The following CAMTA1 variants were observed in gnomAD, a reference collection of about 807,000 sequenced individuals.
The protein encoded by CAMTA1 is calmodulin-binding transcription activator 1.
In CAMTA1, 27 loss-of-function variants were observed where a neutral mutation model predicts 170.9. The ratio of observed to expected loss-of-function variants is 0.16; its 90% CI spans 0.12 to 0.22. The LOEUF is 0.22. Among genes scored for constraint, CAMTA1 ranks in the 10% least tolerant of loss-of-function variants. CAMTA1 has a pLI of 1.00. For synonymous variants in CAMTA1, 833 were observed against 891.5 expected, an observed-to-expected ratio of 0.93 and a Z score of 1.17; for missense variants, 1,619 against 2,217.2, an observed-to-expected ratio of 0.73 and a Z score of 5.42.
At position 7,738,593 on chromosome 1, in the gene CAMTA1, A is replaced by G. The variant is rs927047128; in HGVS notation, c.4182+111A>G. 1.3e-5 allele frequency: 16 copies of G among 1,245,032 alleles called. No individual in the cohort carries two copies. Among genetic ancestry groups the G allele is most frequent in the Non-Finnish European group, 1.6e-5 (15 of 914,486 alleles). 77.1% of individuals were successfully genotyped at this position (1,245,032 alleles called of 1,614,324 possible). A position where few individuals can be genotyped will look rare whatever the true frequency, so the allele number is the denominator to read the frequency against. The stretch of plus-strand genomic sequence containing the variant: ...CATTTTCCTCCCCGTGAAGCCTTCG[A>G]AGTTGGCTTTGTGCAGAACATCGTT... On this transcript the variant is annotated intron_variant, in intron 16 of 22. Transcript: ENST00000303635. The surrounding 1 kb of genome is among the most constrained non-coding windows in gnomAD (Gnocchi z 4.9).
intron 4 of CAMTA1, among the ~76,000 whole-genome samples, chr1:7,239,711 A>G (rs779199320): frequency 6.9e-6 from 1 of 144,192 alleles, no homozygotes; most frequent in East Asian, 2.0e-4. Flanking sequence ...TTGTGTTGCT[A>G]TAATGGAATA....
At chr1:7,309,298 T>TC (rs1676080703) in intron 5 of CAMTA1, among the ~76,000 whole-genome samples, 1 of 127,538 alleles carries the variant, frequency 7.8e-6, no homozygotes, top group African/African-American at 3.1e-5. Flanking sequence ...TTTTTTTTTT[T>TC]TTTTTTTTTT....
At position 7,028,542 on chromosome 1, in the gene CAMTA1, T is replaced by C. The variant is rs143075640; in HGVS notation, c.235-62762T>C. Among the ~76,000 whole-genome samples, 4 of 152,310 alleles carry C rather than the reference T, an allele frequency of 2.6e-5. No homozygotes were observed. The East Asian group carries it at 7.7e-4, about 29-fold the overall frequency. ...ATGTTCTCCTTCTTGCTGCCGTCCA[T>C]GAATCCGAGACCTGCTTTCATGGTT... On this transcript the variant is annotated intron_variant, in intron 3 of 22. Transcript: ENST00000303635.
At position 6,785,459 on chromosome 1, in the gene CAMTA1, C is replaced by G; in HGVS notation, c.-72C>G. On this transcript the variant is annotated 5_prime_UTR_variant, in exon 1 of 23. Transcript: ENST00000303635. The stretch of plus-strand genomic sequence containing the variant: ...GGCCAGGGCGGGTGCGCGGCGGCGG[C>G]GGGGTGGCTGGGCCGGCGGCGGCGG... The G allele has an allele frequency of 1.1e-6, 1 of 950,536 alleles. No homozygotes were observed. The highest frequency in any genetic ancestry group is 1.3e-6 in the Non-Finnish European group (1 of 788,720). 58.9% of individuals were successfully genotyped at this position (950,536 alleles called of 1,614,324 possible).
chr1:7,569,261 CCAT>C lies in CAMTA1; in HGVS notation c.511-71127_511-71125del, dbSNP rs1279294072. 4.2e-5 allele frequency among the ~76,000 whole-genome samples: 6 copies of C among 142,024 alleles called. No homozygotes were observed. In the East Asian group the frequency reaches 8.3e-4, roughly 20 times the overall value. 93.2% of individuals were successfully genotyped at this position (142,024 alleles called of 152,430 possible). ...CATCATCATCATCATCACCAAATCA[CCAT>C]CATCATCATCACATCACCATCACCA... On this transcript the variant is annotated intron_variant, in intron 6 of 22. Coordinates refer to ENST00000303635, the MANE Select transcript of CAMTA1 (RefSeq NM_015215.4).
chr1:6,942,023 G>A (rs1371859277), intron 3 of CAMTA1, among the ~76,000 whole-genome samples: 2 of 152,122 alleles, frequency 1.3e-5, no homozygotes, highest in Non-Finnish European at 2.9e-5. Flanking sequence ...CTTCACCCAC[G>A]GGCTTCATGC....
chr1:7,712,331 T>A (rs752969192), intron 11 of CAMTA1, among the ~76,000 whole-genome samples: 20 of 152,268 alleles, frequency 1.3e-4, no homozygotes, highest in Admixed American at 2.0e-4. Context: ...TTACTATTTT[T>A]TTTTTTTGAG....
chr1:7,328,796 CA>C (rs2082852753), intron 5 of CAMTA1, among the ~76,000 whole-genome samples: 1 of 152,020 alleles, frequency 6.6e-6, no homozygotes, highest in Non-Finnish European at 1.5e-5. Flanking sequence ...CTTTTCCCCC[CA>C]AATCTGCCTT....
intron 3 of CAMTA1, among the ~76,000 whole-genome samples, chr1:6,903,260 C>T (rs943918655): frequency 1.3e-5 from 2 of 152,128 alleles, no homozygotes; most frequent in East Asian, 1.9e-4. Flanking sequence ...GGGAATTAAC[C>T]GGAAAGAGGC....
chr1:7,108,099 G>A (rs184422866), intron 4 of CAMTA1, among the ~76,000 whole-genome samples: 4 of 152,218 alleles, frequency 2.6e-5, no homozygotes, highest in Non-Finnish European at 5.9e-5. Context: ...GCTGGAAACC[G>A]TCCTATGGTG....
In CAMTA1 at chr1:7,067,007, A is replaced by G. The variant is rs926970579; in HGVS notation, c.235-24297A>G. ...GCAGCATCTAATATGTAAGCAGTTG[A>G]CTCCTGCTGGATGGGCACATAAACT... On this transcript the variant is annotated intron_variant, in intron 3 of 22. Transcript: ENST00000303635. The surrounding 1 kb of genome is among the most constrained non-coding windows in gnomAD (Gnocchi z 4.3). 6.6e-6 allele frequency among the ~76,000 whole-genome samples: 1 copy of G among 152,106 alleles called. No individual in the cohort carries two copies. The highest frequency in any genetic ancestry group is 2.4e-5 in the African/African-American group (1 of 41,404).
At chr1:7,638,007 A>T (rs963054002) in intron 6 of CAMTA1, among the ~76,000 whole-genome samples, 37 of 152,368 alleles carry the variant, frequency 2.4e-4, no homozygotes, top group Non-Finnish European at 4.3e-4. Flanking sequence ...TTGGCAGGAA[A>T]AAATCTGTTT....
At chr1:6,947,377 AT>A (rs879542711) in intron 3 of CAMTA1, among the ~76,000 whole-genome samples, 96 of 144,728 alleles carry the variant, frequency 6.6e-4, no homozygotes, top group Admixed American at 7.6e-4. Flanking sequence ...ATTGTCTTTA[AT>A]TTTTTTTTTT....
chr1:7,297,855 G>A (rs1250971861), intron 5 of CAMTA1, among the ~76,000 whole-genome samples: 1 of 152,166 alleles, frequency 6.6e-6, no homozygotes, highest in Non-Finnish European at 1.5e-5. Flanking sequence ...AGTAGCCTCA[G>A]ATATTTTTGT....
In CAMTA1 at chr1:6,984,226, G is replaced by A. The variant is rs1297821769; in HGVS notation, c.235-107078G>A. On this transcript the variant is annotated intron_variant, in intron 3 of 22. Transcript: ENST00000303635. ...TGGGTTGATGGGTGGGTGGAAGGCT[G>A]GGTGGGCGGATGGCAACATCAAGTA... is the stretch of plus-strand genomic sequence containing the variant. 2.0e-5 allele frequency among the ~76,000 whole-genome samples: 3 copies of A among 151,746 alleles called. No individual in the cohort carries two copies. The East Asian group carries it at 5.8e-4, about 29-fold the overall frequency.
In CAMTA1 at chr1:6,912,743, G is replaced by A. The variant is rs866170113; in HGVS notation, c.234+87533G>A. On this transcript the variant is annotated intron_variant, in intron 3 of 22. Coordinates refer to ENST00000303635, the MANE Select transcript of CAMTA1 (RefSeq NM_015215.4). ...CAGCAGAAGACTACCCCAGTTCACA[G>A]GGGAGGCGCTGTCATACTGCCCCAC... Among the ~76,000 whole-genome samples the A allele has an allele frequency of 3.3e-5, 5 of 152,334 alleles. No individual in the cohort carries two copies. The Middle Eastern group carries it at 0.01, about 311-fold the overall frequency.
intron 5 of CAMTA1, among the ~76,000 whole-genome samples, chr1:7,323,117 CT>C (rs991154945): frequency 4.7e-5 from 7 of 148,208 alleles, no homozygotes; most frequent in Admixed American, 2.0e-4. Flanking sequence ...TTTTTTACTC[CT>C]TTTTTTAAAA....
At chr1:7,166,361 C>A (rs1002000489) in intron 4 of CAMTA1, among the ~76,000 whole-genome samples, 6 of 152,144 alleles carry the variant, frequency 3.9e-5, no homozygotes, top group African/African-American at 1.4e-4. Flanking sequence ...CCACCGCGTC[C>A]GGCCTACTTG....
At chr1:7,476,765 C>T (rs1334494937) in intron 6 of CAMTA1, among the ~76,000 whole-genome samples, 1 of 152,186 alleles carries the variant, frequency 6.6e-6, no homozygotes, top group Non-Finnish European at 1.5e-5. Context: ...GCCATGCAAG[C>T]TCCCCACAGC....
Sources: allele counts gnomAD v4.1 joint callset (sites outside exome capture counted in the v4.1 genomes callset), GRCh38; gene constraint gnomAD v4.1.1; non-coding constraint Gnocchi (gnomAD v3.1); transcripts MANE v1.5; gene names NCBI Gene and HGNC (gene_info 2026-07-23, HGNC 2026-07-21).